TACC3: variants seen among roughly 807,000 people sequenced by gnomAD.
TACC3 encodes the protein transforming acidic coiled-coil containing protein 3.
TACC3 carries 52 observed loss-of-function variants against 86.0 expected under a neutral mutation model. That is an observed-to-expected ratio of 0.60 (90% CI 0.48 to 0.76). The LOEUF is 0.76. Among genes scored for constraint, TACC3 ranks in the 30% least tolerant of loss-of-function variants. TACC3 has a pLI of 0.00. For synonymous variants in TACC3, 512 were observed against 430.0 expected, an observed-to-expected ratio of 1.19 and a Z score of -2.36; for missense variants, 1,120 against 1,070.4, an observed-to-expected ratio of 1.05 and a Z score of -0.65.
chr4:1,720,919 C>A, upstream of TACC3: 1 of 1,125,914 alleles, frequency 8.9e-7, no homozygotes, highest in Non-Finnish European at 1.1e-6. The surrounding 1 kb of genome is among the most constrained non-coding windows in gnomAD (Gnocchi z 4.4). Context: ...CCGGACCTGT[C>A]GGTTGCGGCG....
At chr4:1,725,686 A>T (rs979643056) in intron 3 of TACC3, among the ~76,000 whole-genome samples, 2 of 152,162 alleles carry the variant, frequency 1.3e-5, no homozygotes, top group Non-Finnish European at 2.9e-5. Flanking sequence ...GTTGGCCCTG[A>T]GGGGCTCCAG....
At chr4:1,725,229 G>A (rs1264697108) in intron 3 of TACC3, among the ~76,000 whole-genome samples, 1 of 152,184 alleles carries the variant, frequency 6.6e-6, no homozygotes, top group Non-Finnish European at 1.5e-5. Flanking sequence ...ACCACGCCCG[G>A]CTGGCCCAAA....
At chr4:1,742,881 C>T (rs1045466166) in intron 13 of TACC3, among the ~76,000 whole-genome samples, 1 of 151,710 alleles carries the variant, frequency 6.6e-6, no homozygotes. Flanking sequence ...GACAGAAAAT[C>T]ATTTGAACCT....
At chr4:1,731,037 A>T in intron 5 of TACC3, 75 bp downstream of exon 5, 2 of 1,594,592 alleles carry the variant, frequency 1.3e-6, no homozygotes, top group Non-Finnish European at 1.7e-6. Flanking sequence ...GGAAGCCCCC[A>T]GCAGCCTTGG....
At position 1,728,169 on chromosome 4, in the gene TACC3, C is replaced by G. The variant is rs1473142993; in HGVS notation, c.767C>G (p.Pro256Arg). The G allele has an allele frequency of 6.2e-7, 1 of 1,611,496 alleles. No homozygotes were observed. ...AVATSPPGAIPKEACGGAPLQ... is the reference protein window; with the variant it reads ...AVATSPPGAIRKEACGGAPLQ... ...GCCACTTCGCCTCCTGGTGCAATCCCTAAGGAAGCCTGCGGAGGAGCACCC... is the reference window on the plus strand; with the variant it reads ...GCCACTTCGCCTCCTGGTGCAATCCGTAAGGAAGCCTGCGGAGGAGCACCC... Residue 256 changes from proline to arginine, a missense_variant, in exon 4 of 16, where the codon CCT becomes CGT. Pro to Arg is a moderately radical substitution (Grantham distance 103, BLOSUM62 -2). Transcript: ENST00000313288.
chr4:1,737,974 T>C (rs1560318080), intron 10 of TACC3: 1 of 544,556 alleles, frequency 1.8e-6, no homozygotes, highest in African/African-American at 1.9e-5. Flanking sequence ...TGGCCTCTGG[T>C]GGCCTTGCAG....
chr4:1,743,259 A>G (rs1387904802), intron 13 of TACC3, among the ~76,000 whole-genome samples: 1 of 55,730 alleles, frequency 1.8e-5, no homozygotes. Context: ...CGTCTCAAAA[A>G]AAAAAAAAAA....
At chr4:1,723,330 G>C in intron 1 of TACC3, 91 bp from the exon 2 acceptor site, 1 of 1,368,696 alleles carries the variant, frequency 7.3e-7, no homozygotes, top group Non-Finnish European at 1.0e-6. Flanking sequence ...GTGGGAAGTG[G>C]TCGTGCCCCT....
intron 3 of TACC3, among the ~76,000 whole-genome samples, chr4:1,726,315 C>A (rs910769246): frequency 6.6e-6 from 1 of 152,210 alleles, no homozygotes; most frequent in Non-Finnish European, 1.5e-5. Context: ...GCATCCTGCA[C>A]CTCAGCCCTG....
chr4:1,745,168 T>A lies in TACC3; in HGVS notation c.*155T>A. ...ACTCAATAAAAGTTTCCTTTCAATT[T>A]AAACACTGAAGCCGCTCTGGTCTTG... On this transcript the variant is annotated 3_prime_UTR_variant, in exon 16 of 16. Transcript: ENST00000313288. 1 of 855,244 alleles carries A rather than the reference T, an allele frequency of 1.2e-6. No individual in the cohort carries two copies. The highest frequency in any genetic ancestry group is 1.8e-6 in the Non-Finnish European group (1 of 563,066). 53.0% of individuals were successfully genotyped at this position (855,244 alleles called of 1,614,324 possible).
At chr4:1,739,511 C>T (rs995176406) in intron 10 of TACC3, 191 bp from the exon 11 acceptor site, 36 of 598,262 alleles carry the variant, frequency 6.0e-5, no homozygotes, top group South Asian at 2.3e-4. Context: ...CCCTGGCAGT[C>T]GGGTGCACGT....
chr4:1,730,958 G>A lies in TACC3; in HGVS notation c.1457G>A (p.Ser486Asn), dbSNP rs565679658. The change falls in exon 5 of 16, where the codon AGC (serine) becomes AAC (asparagine). Residue 486 changes from serine to asparagine, a missense_variant. Ser to Asn is a conservative substitution (Grantham distance 46). Transcript: ENST00000313288. The part of the protein sequence containing the change: ...QLAAETPTAE[S>N]KERALNSAST... ...GCAGCCGAGACCCCAACAGCAGAGAGCAAGGTAAGGGGTGCTTGTGTGGGT... is the reference window on the plus strand; with the variant it reads ...GCAGCCGAGACCCCAACAGCAGAGAACAAGGTAAGGGGTGCTTGTGTGGGT... The A allele has an allele frequency of 2.5e-6, 4 of 1,613,480 alleles. No individual in the cohort carries two copies. In the South Asian group the frequency reaches 4.4e-5, roughly 18 times the overall value.
In TACC3 at chr4:1,730,118, G is replaced by A. The variant is rs763174461; in HGVS notation, c.1386-769G>A. 3.9e-5 allele frequency among the ~76,000 whole-genome samples: 6 copies of A among 152,168 alleles called. No individual in the cohort carries two copies. In the East Asian group the frequency reaches 7.7e-4, roughly 20 times the overall value. On this transcript the variant is annotated intron_variant, in intron 4 of 15. Transcript: ENST00000313288. ...CAGTGGCGTGATCTCGCCTCACTGCGAGTTCTGCCTCCCGGGTTCACACCA... is the reference window on the plus strand; with the variant it reads ...CAGTGGCGTGATCTCGCCTCACTGCAAGTTCTGCCTCCCGGGTTCACACCA...
intron 1 of TACC3, among the ~76,000 whole-genome samples, chr4:1,722,290 G>C (rs148999678): frequency 1.0e-3 from 152 of 152,328 alleles, no homozygotes; most frequent in African/African-American, 3.6e-3. Flanking sequence ...CTTCCTCCGA[G>C]TCACTTTCTC....
In TACC3 at chr4:1,735,258, A is replaced by T; in HGVS notation, c.1592-15A>T. 1.2e-6 allele frequency: 2 copies of T among 1,613,860 alleles called. No individual in the cohort carries two copies. Among genetic ancestry groups the T allele is most frequent in the South Asian group, 2.2e-5 (2 of 91,090 alleles). ...GGTGAGGGGCGATGGCGGCGGCATG[A>T]TTCACTCCTCTCAGTTCTAGGCACG... On this transcript the variant is annotated splice_polypyrimidine_tract_variant and intron_variant, in intron 6 of 15. Coordinates refer to ENST00000313288, the MANE Select transcript of TACC3 (RefSeq NM_006342.3). This position sits in a 1 kb window ranked among gnomAD's most constrained non-coding sequence, Gnocchi z 4.2.
rs532576002 is a variant in TACC3, at chr4:1,726,003, A to T, written c.306-1705A>T. Among the ~76,000 whole-genome samples the T allele has an allele frequency of 1.5e-3, 231 of 152,330 alleles. 1 individual carries two copies. The highest frequency in any genetic ancestry group is 2.7e-3 in the Non-Finnish European group (181 of 68,024). On this transcript the variant is annotated intron_variant, in intron 3 of 15. Transcript: ENST00000313288. ...GAGTTGGAAGAGAAGGGCAGGTGAC[A>T]TGGGCCCCTTATCTGAGGCACTGGC...
rs768160358 is a variant in TACC3 at position 1,728,152 on chromosome 4, G to T, written c.750G>T (p.Ser250=). Residue 250 remains serine (S), a synonymous_variant, in exon 4 of 16, where the codon TCG becomes TCT. Coordinates refer to ENST00000313288, the MANE Select transcript of TACC3 (RefSeq NM_006342.3). ...GTGCTCCCGCAGCAGTGGCCACTTCGCCTCCTGGTGCAATCCCTAAGGAAG... is the reference window on the plus strand; with the variant it reads ...GTGCTCCCGCAGCAGTGGCCACTTCTCCTCCTGGTGCAATCCCTAAGGAAG... ...GVCAPAAVAT[S]PPGAIPKEAC... 9.3e-6 allele frequency: 15 copies of T among 1,611,438 alleles called. No individual in the cohort carries two copies. The highest frequency in any genetic ancestry group is 1.0e-5 in the Non-Finnish European group (12 of 1,179,330).
intron 6 of TACC3, among the ~76,000 whole-genome samples, chr4:1,734,987 C>G (rs1164501370): frequency 6.6e-6 from 1 of 152,266 alleles, no homozygotes; most frequent in South Asian, 2.1e-4. Context: ...AGTTCTCAAC[C>G]AGAGCAGTTT....
Position 1,745,040 on chromosome 4 carries a change from C to T in TACC3, c.*27C>T. On this transcript the variant is annotated 3_prime_UTR_variant, in exon 16 of 16. Transcript: ENST00000313288. ...CTCCACGGAGCCGCTGTCCCCGCCC[C>T]CCTGCTCCCGTCTGTCTGTCCTGTC... is the stretch of plus-strand genomic sequence containing the variant. The T allele has an allele frequency of 1.3e-6, 2 of 1,586,728 alleles. No individual in the cohort carries two copies. Among genetic ancestry groups the T allele is most frequent in the South Asian group, 1.1e-5 (1 of 87,266 alleles).
Sources: gnomAD v4.1 joint callset for allele counts (sites outside exome capture counted in the v4.1 genomes callset) on GRCh38, gnomAD v4.1.1 for gene constraint, Gnocchi (gnomAD v3.1) non-coding constraint, MANE v1.5 for transcripts, NCBI Gene and HGNC (gene_info 2026-07-23, HGNC 2026-07-21) for gene names.